Variants in DNAH7 observed in about 807,000 individuals in gnomAD.
DNAH7 encodes the protein axonemal beta dynein heavy chain 7.
In DNAH7, 397 loss-of-function variants were observed where a neutral mutation model predicts 444.6. That is an observed-to-expected ratio of 0.89 (90% CI 0.82 to 0.97). The LOEUF (loss-of-function observed/expected upper bound fraction) is 0.97. Ranked by LOEUF, DNAH7 falls within the 50% of genes least tolerant of loss-of-function variation. The pLI is 0.00. For synonymous variants in DNAH7, 1,636 were observed against 1,624.4 expected (o/e 1.01, Z -0.17); for missense variants, 4,902 against 4,800.8 (o/e 1.02, Z -0.62).
chr2:195,796,506 C>A, intron 56 of DNAH7, 70 bp downstream of exon 56: 1 of 1,540,508 alleles, frequency 6.5e-7, no homozygotes, highest in Non-Finnish European at 8.9e-7. Context: ...ATGGAGCTAC[C>A]CGAATGTTAT....
At chr2:195,792,625 C>T (rs1271836520) in intron 57 of DNAH7, among the ~76,000 whole-genome samples, 1 of 152,006 alleles carries the variant, frequency 6.6e-6, no homozygotes, top group African/African-American at 2.4e-5. Flanking sequence ...AAAATTGAAA[C>T]ACAAATGATA....
rs184296240 is a variant in DNAH7 at position 196,055,831 on chromosome 2, C to T, written c.78+2223G>A. 2.2e-3 allele frequency among the ~76,000 whole-genome samples: 332 copies of T among 152,288 alleles called. 2 individuals are homozygous for T. Among genetic ancestry groups the T allele is most frequent in the Non-Finnish European group, 1.4e-3 (95 of 68,016 alleles). On this transcript the variant is annotated intron_variant, in intron 2 of 64. Transcript: ENST00000312428. ...GTAACCCAAGCCTCCTATACAACAA[C>T]CCCATCACTGCCACCACCCTGACTT...
chr2:196,065,864 C>G (rs1040745809), intron 1 of DNAH7, among the ~76,000 whole-genome samples: 10 of 152,180 alleles, frequency 6.6e-5, no homozygotes, highest in Admixed American at 2.0e-4. Context: ...TTCTCTTAAC[C>G]TTACCTTTCA....
intron 58 of DNAH7, among the ~76,000 whole-genome samples, chr2:195,782,487 G>A (rs139134022): frequency 6.6e-6 from 1 of 152,112 alleles, no homozygotes; most frequent in African/African-American, 2.4e-5. Flanking sequence ...GCTCATACTT[G>A]TACCACATAA....
intron 60 of DNAH7, among the ~76,000 whole-genome samples, chr2:195,775,325 G>C (rs1695012554): frequency 6.6e-6 from 1 of 152,014 alleles, no homozygotes; most frequent in Admixed American, 6.6e-5. Flanking sequence ...ACTTACTATT[G>C]CAATTATATT....
At chr2:195,853,609 G>C in intron 45 of DNAH7, 81 bp from the exon 46 acceptor site, 1 of 1,345,818 alleles carries the variant, frequency 7.4e-7, no homozygotes, top group Non-Finnish European at 9.9e-7. Flanking sequence ...CCTCAGAAGT[G>C]AATTATTATT....
chr2:195,938,971 GTGTCTGTCCACACTCTA>G (rs1042869450), intron 19 of DNAH7, among the ~76,000 whole-genome samples: 12 of 152,230 alleles, frequency 7.9e-5, no homozygotes, highest in African/African-American at 2.9e-4. Flanking sequence ...AACAGACTTG[GTGTCTGTCCACACTCTA>G]TTCCCCACTA....
chr2:195,740,569 C>T (rs1370752149), intron 64 of DNAH7, among the ~76,000 whole-genome samples, 197 bp downstream of exon 64: 2 of 142,894 alleles, frequency 1.4e-5, no homozygotes, highest in East Asian at 4.1e-4. Context: ...CCATGAATAA[C>T]AAGAATTGAC....
intron 8 of DNAH7, among the ~76,000 whole-genome samples, chr2:196,022,100 C>A (rs1409365116): frequency 1.3e-5 from 2 of 152,068 alleles, no homozygotes; most frequent in Non-Finnish European, 2.9e-5. Context: ...GCACTCCAGC[C>A]TGGGCAAGAG....
At chr2:196,035,201 T>C (rs1696309670) in intron 5 of DNAH7, among the ~76,000 whole-genome samples, 2 of 151,934 alleles carry the variant, frequency 1.3e-5, no homozygotes, top group Admixed American at 6.6e-5. Context: ...CCTATAAGAC[T>C]TCCAGAAGAA....
intron 17 of DNAH7, among the ~76,000 whole-genome samples, chr2:195,963,969 C>T (rs1296006328): frequency 6.6e-6 from 1 of 152,108 alleles, no homozygotes; most frequent in African/African-American, 2.4e-5. Context: ...TTGGTCTATG[C>T]GTCTGTTTTT....
intron 19 of DNAH7, among the ~76,000 whole-genome samples, chr2:195,950,014 T>C (rs539096569): frequency 1.2e-4 from 18 of 152,334 alleles, no homozygotes; most frequent in African/African-American, 3.1e-4. Flanking sequence ...CAGTATTTTA[T>C]TGAGGATTTT....
chr2:195,837,988 G>C (rs1325030787), intron 47 of DNAH7, among the ~76,000 whole-genome samples: 1 of 152,120 alleles, frequency 6.6e-6, no homozygotes, highest in Non-Finnish European at 1.5e-5. Context: ...AGTGGGGCAG[G>C]GGTAGGATAA....
intron 63 of DNAH7, among the ~76,000 whole-genome samples, chr2:195,741,990 GACTT>G (rs1273912242): frequency 2.0e-5 from 3 of 152,172 alleles, no homozygotes; most frequent in Non-Finnish European, 4.4e-5. Context: ...TTGAGGGAAA[GACTT>G]ACCCTTTCTC....
At position 195,980,669 on chromosome 2, in the gene DNAH7, T is replaced by C. The variant is rs114806917; in HGVS notation, c.1833+3963A>G. 1.6e-3 allele frequency among the ~76,000 whole-genome samples: 240 copies of C among 152,302 alleles called. 1 individual carries two copies. The highest frequency in any genetic ancestry group is 5.3e-3 in the African/African-American group (220 of 41,584). The stretch of plus-strand genomic sequence containing the variant: ...AAAAAGGTCATTCACCATGACTAGG[T>C]GGGATTTATCCCAGGGATGCAAGGA... On this transcript the variant is annotated intron_variant, in intron 15 of 64. Transcript: ENST00000312428.
intron 19 of DNAH7, among the ~76,000 whole-genome samples, chr2:195,948,946 G>A (rs944611305): frequency 3.3e-5 from 5 of 152,196 alleles, no homozygotes; most frequent in East Asian, 1.9e-4. Context: ...TTTTCCATTT[G>A]TTTGTATCTT....
At chr2:196,052,227 T>G (rs778904197) in intron 2 of DNAH7, among the ~76,000 whole-genome samples, 13 of 152,146 alleles carry the variant, frequency 8.5e-5, no homozygotes, top group Non-Finnish European at 1.6e-4. Flanking sequence ...TCTAAGGCTT[T>G]GGGGAAGGGA....
chr2:195,763,999 C>A (rs1694461383), intron 61 of DNAH7, among the ~76,000 whole-genome samples: 1 of 151,562 alleles, frequency 6.6e-6, no homozygotes, highest in Admixed American at 6.6e-5. Flanking sequence ...AAATCTTGAA[C>A]AAAATACTAG....
At chr2:195,995,402 C>T (rs770270548) in intron 12 of DNAH7, 56 of 481,374 alleles carry the variant, frequency 1.2e-4, no homozygotes, top group Non-Finnish European at 2.2e-4. Context: ...TATCATATGG[C>T]GTTTTTCTGA....
Sources: allele counts gnomAD v4.1 joint callset (sites outside exome capture counted in the v4.1 genomes callset), GRCh38; gene constraint gnomAD v4.1.1; transcripts MANE v1.5; gene names NCBI Gene and HGNC (gene_info 2026-07-23, HGNC 2026-07-21).